The following SOX13 variants were observed in gnomAD, a reference collection of about 807,000 sequenced individuals.
SOX13 encodes the protein transcription factor SOX-13.
In SOX13, 28 loss-of-function variants were observed where a neutral mutation model predicts 71.8. The observed-to-expected ratio is 0.39, with a 90% CI of 0.29 to 0.53. SOX13 has a LOEUF of 0.53. SOX13 is among the 20% of genes least tolerant of loss of function. The pLI is 0.70. For missense variants in SOX13, 627 were observed against 810.3 expected (o/e 0.77, Z 2.75); for synonymous variants, 309 against 317.8 (o/e 0.97, Z 0.29).
At position 204,081,488 on chromosome 1, in the gene SOX13, T is replaced by G. The variant is rs1478544170; in HGVS notation, c.-2+7777T>G. Among the ~76,000 whole-genome samples the G allele has an allele frequency of 6.6e-6, 1 of 152,144 alleles. No individual in the cohort carries two copies. Among genetic ancestry groups the G allele is most frequent in the Non-Finnish European group, 1.5e-5 (1 of 68,030 alleles). ...AGACTGGGCTGATGCCCTTTCACGA[T>G]GACAACTGAGTGGGCCCCACGGACC... is the stretch of plus-strand genomic sequence containing the variant. On this transcript the variant is annotated intron_variant, in intron 1 of 13. Transcript: ENST00000367204. This position sits in a 1 kb window ranked among gnomAD's most constrained non-coding sequence, Gnocchi z 4.3.
Position 204,123,217 on chromosome 1 carries a change from TCAGGCG to T in SOX13, c.1231+14_1231+19del. 6.2e-7 allele frequency: 1 copy of T among 1,608,498 alleles called. No homozygotes were observed. On this transcript the variant is annotated intron_variant, in intron 11 of 13. Transcript: ENST00000367204. The surrounding 1 kb of genome is among the most constrained non-coding windows in gnomAD (Gnocchi z 5.0). The stretch of plus-strand genomic sequence containing the variant: ...GAGCTGCGACATGGATGGTGAGGGC[TCAGGCG>T]CAGGGCTGATGCGCAGGAGGGCCCA...
intron 1 of SOX13, among the ~76,000 whole-genome samples, chr1:204,107,728 T>C (rs1055528307): frequency 2.0e-5 from 3 of 152,046 alleles, no homozygotes; most frequent in East Asian, 1.9e-4. Context: ...TTGCTCTCCA[T>C]TGGGGGCGGG....
chr1:204,078,216 C>T (rs1051739368), intron 1 of SOX13: 7 of 151,610 alleles, frequency 4.6e-5, no homozygotes, highest in Admixed American at 4.6e-4. Flanking sequence ...TGTTGCCAGA[C>T]AAGTGTCGGT....
intron 1 of SOX13, among the ~76,000 whole-genome samples, chr1:204,094,444 G>T (rs1178808499): frequency 1.3e-5 from 2 of 152,322 alleles, no homozygotes; most frequent in Admixed American, 6.5e-5. Context: ...AACAGAGCTG[G>T]TTTTGAGCTG....
intron 1 of SOX13, among the ~76,000 whole-genome samples, chr1:204,105,833 C>G (rs1656459813): frequency 6.6e-6 from 1 of 152,180 alleles, no homozygotes. Flanking sequence ...CACTTCCATC[C>G]AAGCGAGGGG....
intron 2 of SOX13, among the ~76,000 whole-genome samples, 181 bp from the exon 3 acceptor site, chr1:204,114,137 ATCT>A (rs957515088): frequency 2.6e-5 from 4 of 152,142 alleles, no homozygotes; most frequent in African/African-American, 4.8e-5. Flanking sequence ...TTGTTTTGAA[ATCT>A]TCTGTTCTTT....
chr1:204,111,738 T>C (rs974643789), intron 1 of SOX13, among the ~76,000 whole-genome samples: 1 of 120,518 alleles, frequency 8.3e-6, no homozygotes, highest in African/African-American at 3.3e-5. Flanking sequence ...GAGATGGGAG[T>C]CTCATTAGGT....
At chr1:204,098,797 G>A (rs2102239152) in intron 1 of SOX13, among the ~76,000 whole-genome samples, 1 of 152,294 alleles carries the variant, frequency 6.6e-6, no homozygotes, top group South Asian at 2.1e-4. Context: ...TTCATGAGAA[G>A]CCTCATTCAT....
intron 4 of SOX13, chr1:204,116,141 A>C: frequency 8.2e-7 from 1 of 1,221,568 alleles, no homozygotes; most frequent in South Asian, 1.5e-5. Context: ...TCAAAGCCTG[A>C]GTGTGTCCCA....
At chr1:204,107,855 C>A (rs1656502369) in intron 1 of SOX13, among the ~76,000 whole-genome samples, 1 of 152,146 alleles carries the variant, frequency 6.6e-6, no homozygotes, top group South Asian at 2.1e-4. Context: ...ATGGAAGGGC[C>A]CTTGTCTGGG....
At chr1:204,113,719 G>C (rs1351658393) in intron 2 of SOX13, among the ~76,000 whole-genome samples, 1 of 152,146 alleles carries the variant, frequency 6.6e-6, no homozygotes, top group Non-Finnish European at 1.5e-5. Context: ...CTGGAGGAAG[G>C]AGGTGGGGGG....
intron 1 of SOX13, among the ~76,000 whole-genome samples, chr1:204,099,957 C>T (rs879701333): frequency 1.3e-5 from 2 of 151,890 alleles, no homozygotes; most frequent in African/African-American, 2.4e-5. Flanking sequence ...GTCTGGGCAA[C>T]ATAGCAAGAC....
At chr1:204,116,821 G>A (rs1656705365) in intron 5 of SOX13, 142 bp downstream of exon 5, 1 of 1,428,728 alleles carries the variant, frequency 7.0e-7, no homozygotes, top group East Asian at 2.4e-5. Flanking sequence ...GCCAGGGGCT[G>A]TAGGATTCCC....
At chr1:204,076,324 G>T (rs567368616) in intron 1 of SOX13, among the ~76,000 whole-genome samples, 1 of 152,260 alleles carries the variant, frequency 6.6e-6, no homozygotes, top group African/African-American at 2.4e-5. Context: ...AGCCTGTCAG[G>T]TGTCTGGGGC....
intron 1 of SOX13, among the ~76,000 whole-genome samples, chr1:204,105,650 C>T (rs1571582000): frequency 6.6e-6 from 1 of 152,160 alleles, no homozygotes; most frequent in African/African-American, 2.4e-5. Flanking sequence ...AGGTGATCAA[C>T]CCGCCTCAGC....
At chr1:204,120,739 G>C (rs1656786081) in intron 7 of SOX13, among the ~76,000 whole-genome samples, 1 of 152,182 alleles carries the variant, frequency 6.6e-6, no homozygotes, top group South Asian at 2.1e-4. Context: ...CTGGTGCTCT[G>C]TCTGTGTGGC....
At chr1:204,093,905 A>G (rs1327697997) in intron 1 of SOX13, among the ~76,000 whole-genome samples, 3 of 152,352 alleles carry the variant, frequency 2.0e-5, no homozygotes, top group South Asian at 2.1e-4. Context: ...CATGGAAATC[A>G]GAAGCTTAGC....
chr1:204,102,759 A>C (rs1393272553), intron 1 of SOX13, among the ~76,000 whole-genome samples: 1 of 151,838 alleles, frequency 6.6e-6, no homozygotes, highest in African/African-American at 2.4e-5. Flanking sequence ...CATCATATTC[A>C]GTCTTCTCTA....
In SOX13 at chr1:204,119,953, CTG is replaced by C. The variant is rs1369657388; in HGVS notation, c.776-1943_776-1942del. ...CCCAGGAGGACAAGGCTGTAGTGAG[CTG>C]TGTCTGTACCACTGCACACCCTCCT... On this transcript the variant is annotated intron_variant, in intron 7 of 13. Transcript: ENST00000367204. 3.9e-5 allele frequency: 6 copies of C among 152,298 alleles called. No homozygotes were observed. The East Asian group carries it at 1.2e-3, about 29-fold the overall frequency. The allele number at this position is 152,298 out of a possible 1,614,324, so 9.4% of individuals were successfully genotyped here.
Sources: allele counts gnomAD v4.1 joint callset (sites outside exome capture counted in the v4.1 genomes callset), GRCh38; gene constraint gnomAD v4.1.1; non-coding constraint Gnocchi (gnomAD v3.1); transcripts MANE v1.5; gene names NCBI Gene and HGNC (gene_info 2026-07-23, HGNC 2026-07-21).